WDFY3: variants seen among roughly 807,000 people sequenced by gnomAD.
WDFY3 encodes WD repeat and FYVE domain-containing protein 3.
In WDFY3, 66 loss-of-function variants were observed where a neutral mutation model predicts 409.6. That is an observed-to-expected ratio of 0.16 (90% CI 0.13 to 0.20). WDFY3 has a LOEUF of 0.20. Among genes scored for constraint, WDFY3 ranks in the 10% least tolerant of loss-of-function variants. The pLI is 1.00. For missense variants in WDFY3, 3,031 were observed against 4,298.1 expected (o/e 0.71, Z 8.24); for synonymous variants, 1,521 against 1,537.1 (o/e 0.99, Z 0.25).
intron 3 of WDFY3, among the ~76,000 whole-genome samples, chr4:84,894,876 G>A (rs905987218): frequency 6.9e-6 from 1 of 145,216 alleles, no homozygotes; most frequent in African/African-American, 2.8e-5. Context: ...CTTGAACCTG[G>A]GGGGAGGAGA....
chr4:84,715,110 T>C (rs1320251275), intron 50 of WDFY3, among the ~76,000 whole-genome samples, 188 bp downstream of exon 50: 4 of 152,158 alleles, frequency 2.6e-5, no homozygotes, highest in Non-Finnish European at 5.9e-5. Context: ...TATGTCACAA[T>C]AGAATTGCAC....
intron 26 of WDFY3, among the ~76,000 whole-genome samples, chr4:84,779,716 C>G (rs1228886889): frequency 1.3e-5 from 2 of 151,888 alleles, no homozygotes; most frequent in Non-Finnish European, 2.9e-5. Context: ...CAGGGAGAGC[C>G]CTGAATCTAC....
chr4:84,745,033 A>T (rs1373267775), intron 36 of WDFY3, among the ~76,000 whole-genome samples: 2 of 152,124 alleles, frequency 1.3e-5, no homozygotes, highest in African/African-American at 2.4e-5. Flanking sequence ...CAATGTACAA[A>T]GATGATTTTG....
chr4:84,742,607 C>A (rs1738640492), intron 37 of WDFY3, among the ~76,000 whole-genome samples: 1 of 152,172 alleles, frequency 6.6e-6, no homozygotes, highest in Non-Finnish European at 1.5e-5. Flanking sequence ...GGTGGGTGTG[C>A]AAGCATTACC....
chr4:84,703,229 T>C (rs1420793220), intron 55 of WDFY3, among the ~76,000 whole-genome samples: 1 of 152,188 alleles, frequency 6.6e-6, no homozygotes, highest in Non-Finnish European at 1.5e-5. Context: ...TTTTATAAAT[T>C]AACATGATAT....
rs1279961455 is a variant in WDFY3 at position 84,778,740 on chromosome 4, AACACACACAT to A, written c.4366-95_4366-86del. On this transcript the variant is annotated intron_variant, in intron 26 of 67. Transcript: ENST00000295888. ...ACACAAACACACACATACACACACA[AACACACACAT>A]ACACACACAAACACACACATACACA... 123 of 1,357,812 alleles carry A rather than the reference AACACACACAT, an allele frequency of 9.1e-5. 1 individual carries two copies. The Middle Eastern group carries it at 5.1e-3, about 57-fold the overall frequency. The allele number at this position is 1,357,812 out of a possible 1,614,324, so 84.1% of individuals were successfully genotyped here.
At chr4:84,927,309 CAT>C (rs1451561097) in intron 2 of WDFY3, among the ~76,000 whole-genome samples, 4 of 143,388 alleles carry the variant, frequency 2.8e-5, no homozygotes, top group Non-Finnish European at 6.2e-5. Context: ...AATGTTATTC[CAT>C]ATGTTACACA....
chr4:84,792,794 C>T (rs1748740570), intron 21 of WDFY3, among the ~76,000 whole-genome samples: 1 of 152,138 alleles, frequency 6.6e-6, no homozygotes, highest in Non-Finnish European at 1.5e-5. Flanking sequence ...TTCAAATTCC[C>T]CATTATTATT....
rs143035791 is a variant in WDFY3 at position 84,821,136 on chromosome 4, C to T, written c.1539G>A (p.Leu513=). The change falls in exon 11 of 68, where the codon TTG becomes TTA. Residue 513 remains leucine, a synonymous_variant. Transcript: ENST00000295888. ...CCTTCAACAGGGCAGCATATTTATG[C>T]AAAAGGTTTACCATGACCTCCAAAA... ...VGLLEVMVNL[L]HKYAALLKDP... The T allele has an allele frequency of 6.2e-6, 10 of 1,613,410 alleles. No individual in the cohort carries two copies. Among genetic ancestry groups the T allele is most frequent in the Non-Finnish European group, 7.6e-6 (9 of 1,179,742 alleles).
intron 44 of WDFY3, among the ~76,000 whole-genome samples, chr4:84,731,438 C>G (rs978151635): frequency 1.3e-5 from 2 of 152,104 alleles, no homozygotes; most frequent in Non-Finnish European, 2.9e-5. Context: ...TAATCCTGAC[C>G]TTGATTTGTG....
At chr4:84,762,651 C>T (rs1476037312) in intron 32 of WDFY3, among the ~76,000 whole-genome samples, 3 of 151,898 alleles carry the variant, frequency 2.0e-5, no homozygotes, top group South Asian at 2.1e-4. Context: ...TAAGTGGAGG[C>T]ACTATGATTT....
chr4:84,908,981 A>G (rs981104377), intron 2 of WDFY3, among the ~76,000 whole-genome samples: 1 of 152,008 alleles, frequency 6.6e-6, no homozygotes. Flanking sequence ...TATTGAATGG[A>G]TTCATATTAA....
At chr4:84,694,374 C>G (rs988251729) in intron 58 of WDFY3, among the ~76,000 whole-genome samples, 4 of 152,294 alleles carry the variant, frequency 2.6e-5, no homozygotes, top group Non-Finnish European at 5.9e-5. Flanking sequence ...AAAGTACCCT[C>G]TATTACTCAA....
At chr4:84,893,184 T>C (rs971067944) in intron 3 of WDFY3, among the ~76,000 whole-genome samples, 1 of 152,184 alleles carries the variant, frequency 6.6e-6, no homozygotes, top group Admixed American at 6.5e-5. Context: ...CTCTATATAC[T>C]ACCTCCTCTA....
Position 84,837,034 on chromosome 4 carries a change from T to C in WDFY3, c.471A>G (p.Leu157=). The change falls in exon 7 of 68, where the codon TTA becomes TTG. Residue 157 remains leucine, a synonymous_variant. Transcript: ENST00000295888. The stretch of plus-strand genomic sequence containing the variant: ...CATGTGGAAGGTCAAAAAACAGATA[T>C]AAACATTTAACCAGGGTGGAAGGCA... ...MSVPSTLVKC[L]YLFFDLPHVP... The C allele has an allele frequency of 1.3e-5, 20 of 1,597,798 alleles. No homozygotes were observed. The highest frequency in any genetic ancestry group is 1.7e-5 in the Non-Finnish European group (20 of 1,172,350).
chr4:84,784,937 G>A (rs1418696374), intron 24 of WDFY3, among the ~76,000 whole-genome samples: 1 of 137,208 alleles, frequency 7.3e-6, no homozygotes, highest in Non-Finnish European at 1.5e-5. Flanking sequence ...CCTTGAATCT[G>A]ATCACTTCTT....
rs1277843487 is a variant in WDFY3, at chr4:84,678,231, T to G, written c.10196A>C (p.His3399Pro). 1 of 1,614,142 alleles carries G rather than the reference T, an allele frequency of 6.2e-7. No homozygotes were observed. Among genetic ancestry groups the G allele is most frequent in the South Asian group, 1.1e-5 (1 of 91,088 alleles). ...QLVFRSKLTM[H>P]TAFDRKDNAH... ...ATTGTCCTTTCGATCAAAGGCTGTGTGCATAGTCAGCTTACTCCTGAACAC... is the reference window on the plus strand; with the variant it reads ...ATTGTCCTTTCGATCAAAGGCTGTGGGCATAGTCAGCTTACTCCTGAACAC... Residue 3399 changes from histidine (H) to proline (P), a missense_variant, in exon 66 of 68, where the codon CAC becomes CCC. Physicochemically the swap from His to Pro is moderately conservative, Grantham distance 77. Coordinates refer to ENST00000295888, the MANE Select transcript of WDFY3 (RefSeq NM_014991.6).
At chr4:84,868,041 C>T (rs1182226175) in intron 3 of WDFY3, among the ~76,000 whole-genome samples, 2 of 151,590 alleles carry the variant, frequency 1.3e-5, no homozygotes, top group African/African-American at 2.4e-5. Flanking sequence ...TGGTGTCATG[C>T]GCCTGTAGTC....
chr4:84,887,359 T>G (rs1030666833), intron 3 of WDFY3, among the ~76,000 whole-genome samples: 5 of 152,200 alleles, frequency 3.3e-5, no homozygotes, highest in Non-Finnish European at 7.3e-5. Context: ...CACTGGCCTA[T>G]CCTAAGACCA....
Sources: allele counts gnomAD v4.1 joint callset (sites outside exome capture counted in the v4.1 genomes callset), GRCh38; gene constraint gnomAD v4.1.1; transcripts MANE v1.5; gene names NCBI Gene and HGNC (gene_info 2026-07-23, HGNC 2026-07-21).